PKD1: variants seen among roughly 807,000 people sequenced by gnomAD.
PKD1 encodes polycystin-1.
In PKD1, 81 loss-of-function variants were observed where a neutral mutation model predicts 361.7. That is an observed-to-expected ratio of 0.22 (90% CI 0.19 to 0.27). PKD1 has a LOEUF of 0.27. Among genes scored for constraint, PKD1 ranks in the 10% least tolerant of loss-of-function variants. The pLI is 1.00. For synonymous variants in PKD1, 3,615 were observed against 2,818.3 expected (o/e 1.28, Z -8.95); for missense variants, 6,399 against 6,118.3 (o/e 1.05, Z -1.53).
chr16:2,123,347 C>T (rs1260722669), intron 1 of PKD1: 1 of 366,002 alleles, frequency 2.7e-6, no homozygotes, highest in South Asian at 2.0e-5. Context: ...GGTGTGGAAG[C>T]GTCTGCCCTG....
At chr16:2,112,612 G>A in intron 13 of PKD1, 139 bp from the exon 14 acceptor site, 1 of 983,818 alleles carries the variant, frequency 1.0e-6, no homozygotes, top group East Asian at 2.6e-5. Context: ...CGGCTGTGCT[G>A]AGGCCTCTCC....
rs756873400 is a variant in PKD1 at position 2,089,361 on chromosome 16, C to T, written c.*366G>A. 7.2e-5 allele frequency: 26 copies of T among 360,032 alleles called. No individual in the cohort carries two copies. Among genetic ancestry groups the T allele is most frequent in the Non-Finnish European group, 1.1e-4 (22 of 195,056 alleles). 22.3% of individuals were successfully genotyped at this position (360,032 alleles called of 1,614,324 possible). On this transcript the variant is annotated 3_prime_UTR_variant, in exon 46 of 46. Coordinates refer to ENST00000262304, the MANE Select transcript of PKD1 (RefSeq NM_001009944.3). ...TAATAACTTAGGGGCAGGGTGGCGG[C>T]GGTGCAGGCTAACCCTCCCTGAAGC...
chr16:2,099,864 T>C lies in PKD1; in HGVS notation c.9920A>G (p.Tyr3307Cys), dbSNP rs551648618. The change falls in exon 29 of 46, where the codon TAC (tyrosine) becomes TGC (cysteine). Residue 3307 changes from tyrosine (Y) to cysteine (C), a missense_variant. Transcript: ENST00000262304. ...CCCCGACCCCTACGGCACCCACCTG[T>C]AGGCAGAGTCGCCAACAGCCCCGTA... is the stretch of plus-strand genomic sequence containing the variant. ...VWYGAVGDSAYSTGHVSRLSP... is the reference protein window; with the variant it reads ...VWYGAVGDSACSTGHVSRLSP... 3 of 1,566,794 alleles carry C rather than the reference T, an allele frequency of 1.9e-6. No individual in the cohort carries two copies. The highest frequency in any genetic ancestry group is 2.6e-6 in the Non-Finnish European group (3 of 1,157,220).
intron 16 of PKD1, chr16:2,107,309 A>G (rs920122433): frequency 3.3e-5 from 13 of 389,672 alleles, no homozygotes; most frequent in Non-Finnish European, 5.9e-5. Flanking sequence ...AGACTCCTGC[A>G]GCCCTTAGCC....
In PKD1 at chr16:2,108,320, C is replaced by T. The variant is rs2092412867; in HGVS notation, c.6847G>A (p.Asp2283Asn). The T allele has an allele frequency of 1.9e-6, 3 of 1,604,442 alleles. No homozygotes were observed. The highest frequency in any genetic ancestry group is 2.6e-6 in the Non-Finnish European group (3 of 1,174,876). ...DLVLDGSESYDPNLEDGDQTP... is the reference protein window; with the variant it reads ...DLVLDGSESYNPNLEDGDQTP... ...TGGTCGCCGTCCTCCAGGTTGGGGT[C>T]GTAGGACTCGCTCCCATCCAGCACC... The change falls in exon 15 of 46, where the codon GAC becomes AAC. Residue 2283 changes from aspartate to asparagine, a missense_variant. Physicochemically the swap from Asp to Asn is conservative, Grantham distance 23. Coordinates refer to ENST00000262304, the MANE Select transcript of PKD1 (RefSeq NM_001009944.3).
intron 1 of PKD1, among the ~76,000 whole-genome samples, chr16:2,129,025 C>T (rs2092834298): frequency 1.3e-5 from 2 of 151,986 alleles, no homozygotes; most frequent in South Asian, 2.1e-4. Context: ...GACCACACCT[C>T]GCTAATTTTT....
Position 2,125,194 on chromosome 16 carries a change from G to C in PKD1, c.216-5816C>G, listed in dbSNP as rs867257270. ...TTTAAATTAACGGGCTGCAGTTTGGGACGGTGCTCATTTGAAAAAAAACAG... is the reference window on the plus strand; with the variant it reads ...TTTAAATTAACGGGCTGCAGTTTGGCACGGTGCTCATTTGAAAAAAAACAG... On this transcript the variant is annotated intron_variant, in intron 1 of 45. Coordinates refer to ENST00000262304, the MANE Select transcript of PKD1 (RefSeq NM_001009944.3). 5.3e-5 allele frequency among the ~76,000 whole-genome samples: 8 copies of C among 152,364 alleles called. No homozygotes were observed. The South Asian group carries it at 6.2e-4, about 12-fold the overall frequency.
At position 2,091,602 on chromosome 16, in the gene PKD1, G is replaced by A. The variant is rs565421712; in HGVS notation, c.11538-5C>T. The A allele has an allele frequency of 3.5e-5, 54 of 1,559,424 alleles. No homozygotes were observed. In the African/African-American group the frequency reaches 6.5e-4, roughly 19 times the overall value. On this transcript the variant is annotated splice_polypyrimidine_tract_variant and splice_region_variant and intron_variant, in intron 41 of 45. Coordinates refer to ENST00000262304, the MANE Select transcript of PKD1 (RefSeq NM_001009944.3). Reference sequence around the variant, plus strand: ...TCCAGGAACACAGCGCGGCTCCTGCGCAGAGGGTGCGGGTCAGTAGGAGCG... The same window carrying A: ...TCCAGGAACACAGCGCGGCTCCTGCACAGAGGGTGCGGGTCAGTAGGAGCG...
rs1216515279 is a variant in PKD1, at chr16:2,106,359, G to C, written c.7489+39C>G. ...AGGGCTCCGTGACGTCACAGAGTCG[G>C]GGGATCCCGCTGCTCCCCCCACGCA... On this transcript the variant is annotated intron_variant, in intron 18 of 45. Coordinates refer to ENST00000262304, the MANE Select transcript of PKD1 (RefSeq NM_001009944.3). The surrounding 1 kb of genome is among the most constrained non-coding windows in gnomAD (Gnocchi z 6.5). The C allele has an allele frequency of 1.2e-6, 2 of 1,600,920 alleles. No individual in the cohort carries two copies. The highest frequency in any genetic ancestry group is 1.1e-5 in the South Asian group (1 of 90,028).
chr16:2,111,654 G>T lies in PKD1; in HGVS notation c.3513C>A (p.Thr1171=). ...WDFGDGSPVL[T]QSQPAANHTY... Reference sequence around the variant, plus strand: ...TGTGGTTGGCAGCCGGCTGGCTCTGGGTCAGGACAGGGGAGCCGTCCCCGA... The same window carrying T: ...TGTGGTTGGCAGCCGGCTGGCTCTGTGTCAGGACAGGGGAGCCGTCCCCGA... The change falls in exon 15 of 46, where the codon ACC becomes ACA. Residue 1171 remains threonine, a synonymous_variant. Coordinates refer to ENST00000262304, the MANE Select transcript of PKD1 (RefSeq NM_001009944.3). 6.4e-7 allele frequency: 1 copy of T among 1,573,874 alleles called. No individual in the cohort carries two copies.
intron 6 of PKD1, 130 bp downstream of exon 6, chr16:2,117,359 G>C (rs2092655458): frequency 1.5e-6 from 1 of 679,090 alleles, no homozygotes; most frequent in Non-Finnish European, 2.5e-6. Context: ...CCCACCGGCC[G>C]GCGCCACCTG....
chr16:2,122,525 G>A (rs896518168), intron 1 of PKD1, among the ~76,000 whole-genome samples: 8 of 152,218 alleles, frequency 5.3e-5, no homozygotes, highest in Admixed American at 1.3e-4. Flanking sequence ...CCACAGCCGC[G>A]CTGCTAGGCA....
At position 2,115,403 on chromosome 16, in the gene PKD1, G is replaced by A. The variant is rs1212715184; in HGVS notation, c.2072C>T (p.Pro691Leu). ...CGAGTACTGCGCGGGGGGCCCCGCG[G>A]GAACGGAGAAGAGGAACTCTCTCCA... ...ALWREFLFSV[P>L]AGPPAQYSVT... The change falls in exon 10 of 46, where the codon CCC (proline) becomes CTC (leucine). Residue 691 changes from proline to leucine, a missense_variant. Physicochemically the swap from Pro to Leu is moderately conservative, Grantham distance 98. Coordinates refer to ENST00000262304, the MANE Select transcript of PKD1 (RefSeq NM_001009944.3). The A allele has an allele frequency of 6.4e-7, 1 of 1,567,548 alleles. No individual in the cohort carries two copies. The highest frequency in any genetic ancestry group is 8.7e-7 in the Non-Finnish European group (1 of 1,155,138).
chr16:2,130,705 C>A (rs2432389), intron 1 of PKD1, among the ~76,000 whole-genome samples: 1 of 152,210 alleles, frequency 6.6e-6, no homozygotes, highest in Non-Finnish European at 1.5e-5. Context: ...CTCCAGAATG[C>A]CTGTCTTCCC....
intron 1 of PKD1, among the ~76,000 whole-genome samples, chr16:2,124,309 G>A (rs1333588817): frequency 1.3e-5 from 2 of 152,220 alleles, no homozygotes; most frequent in Admixed American, 6.5e-5. Flanking sequence ...ACCCCAGGTC[G>A]GGCCCCCTCG....
chr16:2,094,033 C>T lies in PKD1; in HGVS notation c.10619-20G>A, dbSNP rs2091731699. On this transcript the variant is annotated intron_variant, in intron 35 of 45. Coordinates refer to ENST00000262304, the MANE Select transcript of PKD1 (RefSeq NM_001009944.3). Reference sequence around the variant, plus strand: ...CCAGTCCTGGGGAAGCAGAGACAGACCTGTGAGAGGCAGCTCACAGGGAGG... The same window carrying T: ...CCAGTCCTGGGGAAGCAGAGACAGATCTGTGAGAGGCAGCTCACAGGGAGG... The T allele has an allele frequency of 5.7e-6, 9 of 1,592,202 alleles. No homozygotes were observed. The African/African-American group carries it at 8.0e-5, about 14-fold the overall frequency.
At position 2,110,156 on chromosome 16, in the gene PKD1, C is replaced by A. The variant is rs1402247763; in HGVS notation, c.5011G>T (p.Asp1671Tyr). Residue 1671 changes from aspartate (D) to tyrosine (Y), a missense_variant, in exon 15 of 46, where the codon GAC becomes TAC. By Grantham distance (160) the Asp-to-Tyr change is radical (BLOSUM62 -3). Coordinates refer to ENST00000262304, the MANE Select transcript of PKD1 (RefSeq NM_001009944.3). ...CTGCCGGCCAGGGCCGGGCCCCTGT[C>A]CCTCCAGGCAGTCCAGCTGTAGGAG... ...NVSYSWTAWR[D>Y]RGPALAGSGK... 3.1e-6 allele frequency: 5 copies of A among 1,610,238 alleles called. No homozygotes were observed. Among genetic ancestry groups the A allele is most frequent in the Non-Finnish European group, 4.2e-6 (5 of 1,179,630 alleles).
rs1464736164 is a variant in PKD1 at position 2,110,397 on chromosome 16, G to A, written c.4770C>T (p.Pro1590=). The part of the protein sequence containing the change: ...YSWVLCDRCT[P]IPGGPTISYT... The stretch of plus-strand genomic sequence containing the variant: ...AAGAGATGGTAGGACCCCCAGGGAT[G>A]GGCGTGCAGCGGTCACAGAGCACCC... The change falls in exon 15 of 46, where the codon CCC becomes CCT. Residue 1590 remains proline (P), a synonymous_variant. Coordinates refer to ENST00000262304, the MANE Select transcript of PKD1 (RefSeq NM_001009944.3). 4 of 1,612,526 alleles carry A rather than the reference G, an allele frequency of 2.5e-6. No individual in the cohort carries two copies. The Admixed American group carries it at 6.7e-5, about 27-fold the overall frequency.
chr16:2,104,785 A>G (rs2092270375), intron 21 of PKD1, 143 bp from the exon 22 acceptor site: 4 of 786,850 alleles, frequency 5.1e-6, no homozygotes, highest in Non-Finnish European at 8.3e-6. Flanking sequence ...CAGCCTCCTC[A>G]CTAAGCATTT....
Sources: gnomAD v4.1 joint callset for allele counts (sites outside exome capture counted in the v4.1 genomes callset) on GRCh38, gnomAD v4.1.1 for gene constraint, Gnocchi (gnomAD v3.1) non-coding constraint, MANE v1.5 for transcripts, NCBI Gene and HGNC (gene_info 2026-07-23, HGNC 2026-07-21) for gene names.